The following PAPPA2 variants were observed in gnomAD, a reference collection of about 807,000 sequenced individuals.
PAPPA2 encodes pappalysin 2.
In PAPPA2, 86 loss-of-function variants were observed where a neutral mutation model predicts 176.4. The ratio of observed to expected loss-of-function variants is 0.49; its 90% CI spans 0.41 to 0.58. The LOEUF (loss-of-function observed/expected upper bound fraction) is 0.58, where lower values mean the gene tolerates loss of function less well. Ranked by LOEUF, PAPPA2 falls within the 20% of genes least tolerant of loss-of-function variation. The pLI is 0.00. For synonymous variants in PAPPA2, 809 were observed against 852.2 expected (o/e 0.95, Z 0.88); for missense variants, 2,073 against 2,256.9 (o/e 0.92, Z 1.65).
intron 2 of PAPPA2, among the ~76,000 whole-genome samples, chr1:176,569,316 C>A (rs968589351): frequency 1.3e-5 from 2 of 152,168 alleles, no homozygotes; most frequent in African/African-American, 2.4e-5. Context: ...GATGTCTGTC[C>A]TTTGTAATTT....
intron 12 of PAPPA2, among the ~76,000 whole-genome samples, chr1:176,732,585 C>G (rs961108551): frequency 6.6e-6 from 1 of 152,094 alleles, no homozygotes; most frequent in African/African-American, 2.4e-5. Flanking sequence ...CTATTAATAG[C>G]TTTAAAGTCT....
At chr1:176,573,776 G>A (rs1413408793) in intron 2 of PAPPA2, among the ~76,000 whole-genome samples, 1 of 152,142 alleles carries the variant, frequency 6.6e-6, no homozygotes, top group Non-Finnish European at 1.5e-5. Context: ...TGACAAGTCT[G>A]GTTATGACTC....
At chr1:176,752,782 T>A (rs1191459969) in intron 14 of PAPPA2, among the ~76,000 whole-genome samples, 2 of 152,230 alleles carry the variant, frequency 1.3e-5, no homozygotes, top group African/African-American at 4.8e-5. Flanking sequence ...GCCATGTTAA[T>A]CTTATCTTCA....
intron 14 of PAPPA2, among the ~76,000 whole-genome samples, chr1:176,760,947 G>A (rs1026201720): frequency 1.3e-5 from 2 of 151,842 alleles, no homozygotes; most frequent in African/African-American, 4.8e-5. Flanking sequence ...TCAGCCTCCC[G>A]GGTAGCTGGG....
chr1:176,835,893 G>T (rs953619301), intron 21 of PAPPA2, among the ~76,000 whole-genome samples: 5 of 152,092 alleles, frequency 3.3e-5, no homozygotes, highest in Admixed American at 2.6e-4. Flanking sequence ...GCCCCCCCAG[G>T]TTCTGCCCCC....
chr1:176,515,296 C>A (rs1045011154), intron 1 of PAPPA2, among the ~76,000 whole-genome samples: 2 of 152,144 alleles, frequency 1.3e-5, no homozygotes, highest in Non-Finnish European at 2.9e-5. Flanking sequence ...ACGGGAATGG[C>A]TTCCCATAAA....
intron 10 of PAPPA2, among the ~76,000 whole-genome samples, chr1:176,708,356 A>C (rs1184225709): frequency 6.6e-6 from 1 of 152,138 alleles, no homozygotes; most frequent in African/African-American, 2.4e-5. Context: ...TATTTCTCAA[A>C]ATATCAGGTT....
At chr1:176,492,489 G>T (rs911062793) in intron 1 of PAPPA2, among the ~76,000 whole-genome samples, 2 of 152,168 alleles carry the variant, frequency 1.3e-5, no homozygotes, top group Admixed American at 1.3e-4. Context: ...ATCAAGGTTT[G>T]TCAAAACTAT....
intron 2 of PAPPA2, among the ~76,000 whole-genome samples, chr1:176,587,584 A>C (rs1464542270): frequency 6.6e-6 from 1 of 152,118 alleles, no homozygotes; most frequent in Non-Finnish European, 1.5e-5. Context: ...AGGTTTGTTG[A>C]TCAGATGGTT....
intron 11 of PAPPA2, among the ~76,000 whole-genome samples, chr1:176,710,885 G>A (rs1162564514): frequency 2.6e-5 from 4 of 152,118 alleles, no homozygotes; most frequent in Admixed American, 2.0e-4. Flanking sequence ...AGGACCCAGG[G>A]TCTCCTAGAT....
chr1:176,783,181 A>G (rs1664793798), intron 17 of PAPPA2, among the ~76,000 whole-genome samples: 1 of 152,172 alleles, frequency 6.6e-6, no homozygotes, highest in Non-Finnish European at 1.5e-5. Flanking sequence ...AGGACAAAAT[A>G]GTATAGATGT....
intron 12 of PAPPA2, among the ~76,000 whole-genome samples, chr1:176,720,629 A>G (rs1475293039): frequency 6.6e-6 from 1 of 152,120 alleles, no homozygotes; most frequent in South Asian, 2.1e-4. Context: ...AAACAATAGG[A>G]TGTATCTACA....
At chr1:176,665,656 CA>C (rs1430480696) in intron 3 of PAPPA2, among the ~76,000 whole-genome samples, 5 of 152,154 alleles carry the variant, frequency 3.3e-5, no homozygotes, top group African/African-American at 1.2e-4. Context: ...AGGTAGAGGA[CA>C]AAATGCCAAT....
intron 2 of PAPPA2, among the ~76,000 whole-genome samples, chr1:176,589,054 A>G (rs1398283763): frequency 6.6e-6 from 1 of 152,192 alleles, no homozygotes; most frequent in East Asian, 1.9e-4. Context: ...TAAGCAGCAG[A>G]TATCCTGAGC....
At chr1:176,619,534 G>T (rs1358814266) in intron 3 of PAPPA2, among the ~76,000 whole-genome samples, 1 of 152,168 alleles carries the variant, frequency 6.6e-6, no homozygotes, top group East Asian at 1.9e-4. Context: ...AGTTGAATTG[G>T]TGCTGCTCAT....
At chr1:176,764,391 A>G (rs1286027990) in intron 14 of PAPPA2, among the ~76,000 whole-genome samples, 3 of 152,110 alleles carry the variant, frequency 2.0e-5, no homozygotes, top group African/African-American at 7.2e-5. Flanking sequence ...AGGAATAACA[A>G]CTCTGTGAGG....
At chr1:176,705,182 T>A (rs1004488641) in intron 9 of PAPPA2, among the ~76,000 whole-genome samples, 9 of 152,212 alleles carry the variant, frequency 5.9e-5, no homozygotes, top group African/African-American at 2.2e-4. Context: ...AGGTCCCCAG[T>A]ACAGTCTCTT....
intron 3 of PAPPA2, among the ~76,000 whole-genome samples, chr1:176,636,881 A>G (rs572221130): frequency 6.6e-6 from 1 of 152,210 alleles, no homozygotes; most frequent in Non-Finnish European, 1.5e-5. Context: ...CATGTATGCA[A>G]TGAGCTCACA....
intron 1 of PAPPA2, among the ~76,000 whole-genome samples, chr1:176,469,565 A>G (rs1651782402): frequency 6.6e-6 from 1 of 152,218 alleles, no homozygotes; most frequent in African/African-American, 2.4e-5. Context: ...GAGCAGTTGC[A>G]TACTTTTCAT....
Sources: gnomAD v4.1 joint callset for allele counts (sites outside exome capture counted in the v4.1 genomes callset) on GRCh38, gnomAD v4.1.1 for gene constraint, MANE v1.5 for transcripts, NCBI Gene and HGNC (gene_info 2026-07-23, HGNC 2026-07-21) for gene names.